LMNA: variants seen among roughly 807,000 people sequenced by gnomAD.
LMNA encodes lamin.
LMNA carries 20 observed loss-of-function variants against 70.4 expected under a neutral mutation model. The ratio of observed to expected loss-of-function variants is 0.28; its 90% CI spans 0.20 to 0.41. The LOEUF (loss-of-function observed/expected upper bound fraction) is 0.41. Ranked by LOEUF, LMNA falls within the 10% of genes least tolerant of loss-of-function variation. The pLI is 1.00. For synonymous variants in LMNA, 339 were observed against 372.8 expected (o/e 0.91, Z 1.04); for missense variants, 652 against 917.2 (o/e 0.71, Z 3.73).
chr1:156,125,716 C>T (rs528804341), intron 1 of LMNA, among the ~76,000 whole-genome samples: 33 of 147,978 alleles, frequency 2.2e-4, no homozygotes, highest in Admixed American at 8.8e-4. Context: ...GGGCTGGGCG[C>T]GGTGGCTCAT....
At position 156,115,886 on chromosome 1, in the gene LMNA, A is replaced by AGGGTT. The variant is rs1354745352; in HGVS notation, c.356+616_356+620dup. 6.6e-6 allele frequency among the ~76,000 whole-genome samples: 1 copy of AGGGTT among 152,144 alleles called. No homozygotes were observed. Among genetic ancestry groups the AGGGTT allele is most frequent in the Non-Finnish European group, 1.5e-5 (1 of 68,014 alleles). ...CAGCATGACCTTGTCCTGGGTTCTA[A>AGGGTT]GGGTTGGGAAGTTCTCCCTCACTCT... is the stretch of plus-strand genomic sequence containing the variant. On this transcript the variant is annotated intron_variant, in intron 1 of 11. Transcript: ENST00000368300. The surrounding 1 kb of genome is among the most constrained non-coding windows in gnomAD (Gnocchi z 5.8).
intron 2 of LMNA, among the ~76,000 whole-genome samples, chr1:156,088,438 C>T (rs1441819944): frequency 1.3e-5 from 2 of 152,072 alleles, no homozygotes; most frequent in Non-Finnish European, 2.9e-5. Flanking sequence ...TTGATCCCCA[C>T]CCTCGGTAAG....
In LMNA at chr1:156,136,795, G is replaced by A. The variant is rs1011665632; in HGVS notation, c.1381-126G>A. On this transcript the variant is annotated intron_variant, in intron 7 of 11. Coordinates refer to ENST00000368300, the MANE Select transcript of LMNA (RefSeq NM_170707.4). This position sits in a 1 kb window ranked among gnomAD's most constrained non-coding sequence, Gnocchi z 6.1. ...TATCCCCGGGGGAAGGGCAGTGACAGGGGTGTGTGTAGATGGAAGGAGAGG... is the reference window on the plus strand; with the variant it reads ...TATCCCCGGGGGAAGGGCAGTGACAAGGGTGTGTGTAGATGGAAGGAGAGG... 5 of 791,130 alleles carry A rather than the reference G, an allele frequency of 6.3e-6. No homozygotes were observed. The highest frequency in any genetic ancestry group is 2.0e-5 in the Admixed American group (1 of 50,088). 49.0% of individuals were successfully genotyped at this position (791,130 alleles called of 1,614,324 possible). A position where few individuals can be genotyped will look rare whatever the true frequency, so the allele number is the denominator to read the frequency against.
chr1:156,116,193 G>A lies in LMNA; in HGVS notation c.356+919G>A, dbSNP rs1404870158. Among the ~76,000 whole-genome samples the A allele has an allele frequency of 3.3e-5, 5 of 152,142 alleles. No homozygotes were observed. In the East Asian group the frequency reaches 7.7e-4, roughly 23 times the overall value. On this transcript the variant is annotated intron_variant, in intron 1 of 11. Coordinates refer to ENST00000368300, the MANE Select transcript of LMNA (RefSeq NM_170707.4). The stretch of plus-strand genomic sequence containing the variant: ...GGTGAGCCACTTTCATTTTCCCAGC[G>A]GGGCCAGGCAGTCTTTGCTCGGGCC...
intron 3 of LMNA, among the ~76,000 whole-genome samples, chr1:156,099,121 T>C (rs1486130208): frequency 6.6e-6 from 1 of 152,142 alleles, no homozygotes; most frequent in Non-Finnish European, 1.5e-5. Flanking sequence ...GCTGCCCCAC[T>C]GTCAGCCCCT....
intron 2 of LMNA, among the ~76,000 whole-genome samples, chr1:156,131,321 C>T (rs545617537): frequency 6.6e-6 from 1 of 151,912 alleles, no homozygotes; most frequent in African/African-American, 2.4e-5. Flanking sequence ...TGTGTGGTGG[C>T]TCATGCCTGT....
At position 156,115,286 on chromosome 1, in the gene LMNA, C is replaced by T; in HGVS notation, c.356+12C>T. Reference sequence around the variant, plus strand: ...GAGCTGAAAGCGCGGTGAGTTCGCCCAGGTGGCTGCGTGCCTGGCGGGGAG... The same window carrying T: ...GAGCTGAAAGCGCGGTGAGTTCGCCTAGGTGGCTGCGTGCCTGGCGGGGAG... On this transcript the variant is annotated intron_variant, in intron 1 of 11. Coordinates refer to ENST00000368300, the MANE Select transcript of LMNA (RefSeq NM_170707.4). The surrounding 1 kb of genome is among the most constrained non-coding windows in gnomAD (Gnocchi z 5.8). The T allele has an allele frequency of 1.3e-6, 2 of 1,593,450 alleles. No individual in the cohort carries two copies. Among genetic ancestry groups the T allele is most frequent in the Non-Finnish European group, 1.7e-6 (2 of 1,174,730 alleles).
Position 156,137,528 on chromosome 1 carries a change from C to G in LMNA, c.1609-126C>G, listed in dbSNP as rs1464733239. 6.5e-6 allele frequency: 6 copies of G among 920,858 alleles called. No homozygotes were observed. The Middle Eastern group carries it at 8.4e-4, about 128-fold the overall frequency. The allele number at this position is 920,858 out of a possible 1,614,324, so 57.0% of individuals were successfully genotyped here. A position where few individuals can be genotyped will look rare whatever the true frequency, so the allele number is the denominator to read the frequency against. On this transcript the variant is annotated intron_variant, in intron 9 of 11. Coordinates refer to ENST00000368300, the MANE Select transcript of LMNA (RefSeq NM_170707.4). The surrounding 1 kb of genome is among the most constrained non-coding windows in gnomAD (Gnocchi z 4.6). ...TCCTTAGCTCCATCACCACAGAGGA[C>G]AGAGTAAGCAGCAGGCCGGACAAAG...
At chr1:156,130,140 C>G (rs1431947168) in intron 1 of LMNA, among the ~76,000 whole-genome samples, 2 of 152,128 alleles carry the variant, frequency 1.3e-5, no homozygotes, top group African/African-American at 4.8e-5. Flanking sequence ...CTTTGGGGCT[C>G]AGATCGAGAA....
chr1:156,115,086 C>T lies in LMNA; in HGVS notation c.168C>T (p.Asn56=). The T allele has an allele frequency of 1.3e-6, 2 of 1,596,102 alleles. No individual in the cohort carries two copies. Among genetic ancestry groups the T allele is most frequent in the Non-Finnish European group, 1.7e-6 (2 of 1,171,554 alleles). Residue 56 remains asparagine, a synonymous_variant, in exon 1 of 12, where the codon AAC becomes AAT. Transcript: ENST00000368300. This position sits in a 1 kb window ranked among gnomAD's most constrained non-coding sequence, Gnocchi z 5.8. The part of the protein sequence containing the change: ...IDRVRSLETE[N]AGLRLRITES... ...GTGTGCGCTCGCTGGAAACGGAGAA[C>T]GCAGGGCTGCGCCTTCGCATCACCG... is the stretch of plus-strand genomic sequence containing the variant.
At chr1:156,089,280 G>GTTTATTTA (rs140712392) in intron 2 of LMNA, among the ~76,000 whole-genome samples, 132 of 151,072 alleles carry the variant, frequency 8.7e-4, no homozygotes, top group East Asian at 3.1e-3. Flanking sequence ...CCCAACCCTT[G>GTTTATTTA]TTTATTTATT....
chr1:156,083,027 G>A (rs1483347329), exon 2 of LMNA: 2 of 152,588 alleles, frequency 1.3e-5, no homozygotes, highest in African/African-American at 4.8e-5. Flanking sequence ...GGGGAGAGCT[G>A]GGCTCTGCGT....
At chr1:156,095,390 A>G (rs1424159748) in intron 3 of LMNA, among the ~76,000 whole-genome samples, 3 of 151,866 alleles carry the variant, frequency 2.0e-5, no homozygotes. Context: ...GAATAAAATG[A>G]CCATGTGATA....
chr1:156,101,832 A>G (rs930014805), intron 3 of LMNA, among the ~76,000 whole-genome samples: 1 of 152,168 alleles, frequency 6.6e-6, no homozygotes, highest in Admixed American at 6.5e-5. Flanking sequence ...ACAATTCTGG[A>G]GGTAGGAACC....
intron 2 of LMNA, among the ~76,000 whole-genome samples, chr1:156,131,134 G>A (rs1305353755): frequency 6.6e-6 from 1 of 152,176 alleles, no homozygotes; most frequent in Non-Finnish European, 1.5e-5. Context: ...AGCCTGGCAT[G>A]GTGGCGGGCG....
chr1:156,134,664 C>A lies in LMNA; in HGVS notation c.639+136C>A. The A allele has an allele frequency of 6.5e-7, 1 of 1,534,404 alleles. No homozygotes were observed. The highest frequency in any genetic ancestry group is 9.0e-7 in the Non-Finnish European group (1 of 1,112,304). On this transcript the variant is annotated intron_variant, in intron 3 of 11. Transcript: ENST00000368300. The surrounding 1 kb of genome is among the most constrained non-coding windows in gnomAD (Gnocchi z 5.3). ...CTAGTGGACAGGGAGTTGGGGGTGGCCAGCACTCAGCTCCCAGGTTAAAGT... is the reference window on the plus strand; with the variant it reads ...CTAGTGGACAGGGAGTTGGGGGTGGACAGCACTCAGCTCCCAGGTTAAAGT...
intron 3 of LMNA, among the ~76,000 whole-genome samples, chr1:156,109,116 G>A (rs527574834): frequency 6.6e-6 from 1 of 152,280 alleles, no homozygotes; most frequent in African/African-American, 2.4e-5. Flanking sequence ...TAGAGCTATT[G>A]TATTGGTCCA....
intron 1 of LMNA, among the ~76,000 whole-genome samples, chr1:156,119,382 C>G (rs1332663645): frequency 6.6e-6 from 1 of 152,180 alleles, no homozygotes; most frequent in African/African-American, 2.4e-5. Flanking sequence ...TCCCAAAGTG[C>G]TGGGATTACA....
intron 1 of LMNA, among the ~76,000 whole-genome samples, chr1:156,127,509 G>GTTTT (rs1170940332): frequency 1.1e-4 from 9 of 84,492 alleles, no homozygotes; most frequent in African/African-American, 1.5e-4. Flanking sequence ...CCCCCTTACT[G>GTTTT]TTTTTTTTTT....
Sources: gnomAD v4.1 joint callset for allele counts (sites outside exome capture counted in the v4.1 genomes callset) on GRCh38, gnomAD v4.1.1 for gene constraint, Gnocchi (gnomAD v3.1) non-coding constraint, MANE v1.5 for transcripts, NCBI Gene and HGNC (gene_info 2026-07-23, HGNC 2026-07-21) for gene names.